The following STRA6 variants were observed in gnomAD, a reference collection of about 807,000 sequenced individuals.
The protein encoded by STRA6 is receptor for retinol uptake STRA6.
In STRA6, 48 loss-of-function variants were observed where a neutral mutation model predicts 83.6. The ratio of observed to expected loss-of-function variants is 0.57; its 90% CI spans 0.46 to 0.73. The LOEUF is 0.73. Among genes scored for constraint, STRA6 ranks in the 30% least tolerant of loss-of-function variants. STRA6 has a pLI of 0.00. For synonymous variants in STRA6, 353 were observed against 362.3 expected, an observed-to-expected ratio of 0.97 and a Z score of 0.29; for missense variants, 760 against 838.8, an observed-to-expected ratio of 0.91 and a Z score of 1.16.
chr15:74,203,297 G>C, upstream of STRA6: 1 of 794,632 alleles, frequency 1.3e-6, no homozygotes, highest in Non-Finnish European at 1.5e-6. Flanking sequence ...CCAGACCCAC[G>C]GGTAGGCAAG....
At chr15:74,187,115 G>A (rs185238525) in intron 12 of STRA6, among the ~76,000 whole-genome samples, 1 of 152,358 alleles carries the variant, frequency 6.6e-6, no homozygotes, top group Non-Finnish European at 1.5e-5. Flanking sequence ...GCCAGGAGGT[G>A]AACAGCCCGC....
At chr15:74,201,268 T>C (rs950200639) in intron 2 of STRA6, among the ~76,000 whole-genome samples, 10 of 152,198 alleles carry the variant, frequency 6.6e-5, no homozygotes, top group Non-Finnish European at 1.5e-4. Context: ...TTTCAGGTTT[T>C]GATGGAGAAC....
chr15:74,212,002 C>CT (rs1334279441), upstream of STRA6: 2 of 152,642 alleles, frequency 1.3e-5, no homozygotes, highest in Non-Finnish European at 1.5e-5. Context: ...GTCTCTCCTC[C>CT]TAAAGGTTTT....
At chr15:74,187,957 T>G (rs1321063579) in intron 12 of STRA6, among the ~76,000 whole-genome samples, 1 of 152,204 alleles carries the variant, frequency 6.6e-6, no homozygotes, top group Non-Finnish European at 1.5e-5. Flanking sequence ...GGTTGTGGGC[T>G]GACCTGGACC....
At chr15:74,197,606 G>A (rs2073878236) in intron 3 of STRA6, 146 bp downstream of exon 3, 8 of 1,232,260 alleles carry the variant, frequency 6.5e-6, no homozygotes, top group Non-Finnish European at 9.3e-6. Context: ...CCTGGTTTGG[G>A]CCTCCAAGCT....
In STRA6 at chr15:74,195,390, G is replaced by A. The variant is rs779865009; in HGVS notation, c.509C>T (p.Thr170Ile). 1.2e-6 allele frequency: 2 copies of A among 1,613,776 alleles called. No individual in the cohort carries two copies. Among genetic ancestry groups the A allele is most frequent in the Non-Finnish European group, 1.7e-6 (2 of 1,180,022 alleles). The stretch of plus-strand genomic sequence containing the variant: ...CGTGCTGCCGAGCAGGTGTGCAGCT[G>A]TGTGGCCAGCCGTGGCACAGGCAGC... Reference protein sequence around the residue: ...PLAACATAGHTAAHLLGSTLS... With the variant: ...PLAACATAGHIAAHLLGSTLS... Residue 170 changes from threonine (T) to isoleucine (I), a missense_variant, in exon 7 of 19, where the codon ACA becomes ATA. Coordinates refer to ENST00000395105, the MANE Select transcript of STRA6 (RefSeq NM_022369.4).
At position 74,196,308 on chromosome 15, in the gene STRA6, G is replaced by A. The variant is rs1330381543; in HGVS notation, c.267-161C>T. On this transcript the variant is annotated intron_variant, in intron 4 of 18. Coordinates refer to ENST00000395105, the MANE Select transcript of STRA6 (RefSeq NM_022369.4). ...CATTCATTCCATAGATATTTGTGGA[G>A]TGCCTCTTATCTACCAAGCTCTGGG... 5.9e-6 allele frequency: 7 copies of A among 1,176,800 alleles called. No individual in the cohort carries two copies. The Admixed American group carries it at 1.2e-4, about 21-fold the overall frequency. The allele number at this position is 1,176,800 out of a possible 1,614,324, so 72.9% of individuals were successfully genotyped here.
chr15:74,200,536 T>A (rs1219934204), intron 2 of STRA6, among the ~76,000 whole-genome samples: 1 of 152,226 alleles, frequency 6.6e-6, no homozygotes, highest in Non-Finnish European at 1.5e-5. Context: ...GCTGGGGCAC[T>A]GGGCACTCCG....
chr15:74,207,575 T>C, upstream of STRA6: 1 of 949,272 alleles, frequency 1.1e-6, no homozygotes, highest in Admixed American at 2.1e-5. Flanking sequence ...TGACTCTGAG[T>C]CCAGCAGCAA....
upstream of STRA6, chr15:74,209,699 T>C: frequency 2.0e-6 from 1 of 488,436 alleles, no homozygotes; most frequent in Non-Finnish European, 3.6e-6. Flanking sequence ...CCCCCTCACC[T>C]GAGCACAGGC....
chr15:74,196,548 G>A (rs578070106), intron 4 of STRA6, among the ~76,000 whole-genome samples: 6 of 152,322 alleles, frequency 3.9e-5, no homozygotes, highest in South Asian at 2.1e-4. Context: ...GGCAGACAGC[G>A]GGCATAGCTG....
intron 5 of STRA6, 68 bp downstream of exon 5, chr15:74,195,940 A>G (rs1483778776): frequency 1.9e-6 from 3 of 1,603,126 alleles, no homozygotes; most frequent in East Asian, 4.5e-5. Flanking sequence ...AGCCAAGCTT[A>G]AAACTCCGAG....
chr15:74,186,025 A>C (rs1202406280), intron 12 of STRA6, among the ~76,000 whole-genome samples: 1 of 152,218 alleles, frequency 6.6e-6, no homozygotes, highest in Admixed American at 6.5e-5. Context: ...CCACATAGCC[A>C]CAGGGATTAG....
upstream of STRA6, among the ~76,000 whole-genome samples, chr15:74,204,354 G>C (rs892285418): frequency 9.9e-5 from 15 of 152,224 alleles, no homozygotes; most frequent in Non-Finnish European, 2.1e-4. Flanking sequence ...GCTTGGCAAA[G>C]CCATTGCTTG....
chr15:74,211,163 A>G (rs868260315), upstream of STRA6, among the ~76,000 whole-genome samples: 5 of 151,146 alleles, frequency 3.3e-5, no homozygotes, highest in Non-Finnish European at 5.9e-5. Flanking sequence ...GCACACACAC[A>G]CACACACACA....
upstream of STRA6, among the ~76,000 whole-genome samples, chr15:74,205,002 C>T (rs966868249): frequency 1.3e-5 from 2 of 152,132 alleles, no homozygotes; most frequent in African/African-American, 2.4e-5. Context: ...CTCTGCCTTC[C>T]CCAGGCTGGT....
upstream of STRA6, among the ~76,000 whole-genome samples, chr15:74,209,932 T>C (rs1213611830): frequency 2.0e-5 from 3 of 152,186 alleles, no homozygotes; most frequent in African/African-American, 7.2e-5. Flanking sequence ...GAGTGCCATC[T>C]ATAAAAAGGT....
At chr15:74,209,768 C>T (rs1364595485), upstream of STRA6, 1 of 292,034 alleles carries the variant, frequency 3.4e-6, no homozygotes, top group Non-Finnish European at 6.3e-6. Context: ...GCAGACAAGA[C>T]TGGGGAAGGA....
intron 8 of STRA6, among the ~76,000 whole-genome samples, 175 bp downstream of exon 8, chr15:74,193,625 T>C (rs1486098045): frequency 6.6e-6 from 1 of 152,214 alleles, no homozygotes; most frequent in Non-Finnish European, 1.5e-5. Flanking sequence ...AAGGGCCCAG[T>C]CCAGCTTTTG....
Sources: gnomAD v4.1 joint callset for allele counts (sites outside exome capture counted in the v4.1 genomes callset) on GRCh38, gnomAD v4.1.1 for gene constraint, MANE v1.5 for transcripts, NCBI Gene and HGNC (gene_info 2026-07-23, HGNC 2026-07-21) for gene names.